The following WDSUB1 variants were observed in gnomAD, a reference collection of about 807,000 sequenced individuals.
The protein encoded by WDSUB1 is WD repeat, sterile alpha motif and U-box domain containing 1.
WDSUB1 carries 49 observed loss-of-function variants against 53.9 expected under a neutral mutation model. That is an observed-to-expected ratio of 0.91 (90% CI 0.72 to 1.15). The LOEUF is 1.15. Ranked by LOEUF, WDSUB1 falls within the 50% of genes most tolerant of loss-of-function variation. The pLI is 0.00. For missense variants in WDSUB1, 514 were observed against 562.0 expected, an observed-to-expected ratio of 0.91 and a Z score of 0.86; for synonymous variants, 194 against 200.6, an observed-to-expected ratio of 0.97 and a Z score of 0.28.
chr2:159,248,619 T>G, intron 9 of WDSUB1, 107 bp from the exon 10 acceptor site: 1 of 1,274,290 alleles, frequency 7.8e-7, no homozygotes, highest in Non-Finnish European at 1.0e-6. Context: ...GGGGTTGATT[T>G]TGAGACAGGG....
At chr2:159,246,468 C>CATATCCA (rs2060800285) in intron 10 of WDSUB1, among the ~76,000 whole-genome samples, 1 of 148,658 alleles carries the variant, frequency 6.7e-6, no homozygotes, top group South Asian at 2.1e-4. Flanking sequence ...GATACCACTT[C>CATATCCA]ATATCCACTA....
intron 9 of WDSUB1, among the ~76,000 whole-genome samples, chr2:159,253,901 AG>A (rs1183358650): frequency 2.6e-5 from 4 of 152,228 alleles, no homozygotes; most frequent in African/African-American, 9.6e-5. Context: ...TTTATAATGA[AG>A]GTTGCAAAAA....
intron 6 of WDSUB1, among the ~76,000 whole-genome samples, 162 bp downstream of exon 6, chr2:159,259,648 A>G (rs1211002967): frequency 6.6e-6 from 1 of 152,246 alleles, no homozygotes; most frequent in Non-Finnish European, 1.5e-5. Flanking sequence ...TGCAGAACCA[A>G]TATCTTACTT....
chr2:159,258,383 G>T (rs930053911), intron 6 of WDSUB1, among the ~76,000 whole-genome samples: 1 of 152,226 alleles, frequency 6.6e-6, no homozygotes, highest in Non-Finnish European at 1.5e-5. Flanking sequence ...CCTTGGCCGG[G>T]TGCAGTGGCT....
At chr2:159,257,316 T>G (rs774683307) in intron 8 of WDSUB1, among the ~76,000 whole-genome samples, 3 of 151,850 alleles carry the variant, frequency 2.0e-5, no homozygotes, top group Non-Finnish European at 2.9e-5. Context: ...TATTTTTAAA[T>G]GACATTAAAT....
intron 2 of WDSUB1, among the ~76,000 whole-genome samples, chr2:159,281,275 G>C (rs1421711370): frequency 1.3e-5 from 2 of 152,024 alleles, no homozygotes; most frequent in African/African-American, 4.8e-5. Flanking sequence ...GGGTCACTCA[G>C]TCACTCAGGC....
chr2:159,247,886 A>T (rs866789809), intron 10 of WDSUB1, among the ~76,000 whole-genome samples: 709 of 63,630 alleles, frequency 0.011, 18 homozygotes, highest in African/African-American at 0.035. Flanking sequence ...AAATTAAATA[A>T]ATATATATAT....
intron 5 of WDSUB1, among the ~76,000 whole-genome samples, chr2:159,268,828 C>A (rs2061393775): frequency 6.6e-6 from 1 of 151,958 alleles, no homozygotes; most frequent in Non-Finnish European, 1.5e-5. Context: ...AACTGGAAAT[C>A]ATAAAAAGTG....
At chr2:159,283,156 T>C in intron 1 of WDSUB1, 63 bp from the exon 2 acceptor site, 3 of 1,408,840 alleles carry the variant, frequency 2.1e-6, no homozygotes, top group Non-Finnish European at 1.9e-6. Flanking sequence ...AATTTGAGTC[T>C]ATATAAAAGG....
intron 5 of WDSUB1, among the ~76,000 whole-genome samples, chr2:159,266,184 T>G (rs530093907): frequency 6.6e-6 from 1 of 152,244 alleles, no homozygotes; most frequent in East Asian, 1.9e-4. Context: ...TTTAAGAGTG[T>G]CAAGGAACCT....
At position 159,271,579 on chromosome 2, in the gene WDSUB1, T is replaced by C. The variant is rs2061444229; in HGVS notation, c.770+123A>G. Reference sequence around the variant, plus strand: ...AGGGCTTCTGGGGCAGAACCAGCAATGTTCTATTTCTTGACCTTTGTGGTG... The same window carrying C: ...AGGGCTTCTGGGGCAGAACCAGCAACGTTCTATTTCTTGACCTTTGTGGTG... On this transcript the variant is annotated intron_variant, in intron 5 of 10. Transcript: ENST00000359774. 4 of 801,142 alleles carry C rather than the reference T, an allele frequency of 5.0e-6. No homozygotes were observed. In the East Asian group the frequency reaches 1.1e-4, roughly 21 times the overall value. The allele number at this position is 801,142 out of a possible 1,614,324, so 49.6% of individuals were successfully genotyped here. A position where few individuals can be genotyped will look rare whatever the true frequency, so the allele number is the denominator to read the frequency against.
At chr2:159,266,929 A>G (rs944019362) in intron 5 of WDSUB1, among the ~76,000 whole-genome samples, 1 of 152,080 alleles carries the variant, frequency 6.6e-6, no homozygotes, top group African/African-American at 2.4e-5. Flanking sequence ...GCAAGCCACC[A>G]TGCTTGGGTA....
intron 2 of WDSUB1, among the ~76,000 whole-genome samples, chr2:159,280,797 CAGGG>C (rs1382136139): frequency 6.7e-6 from 1 of 150,090 alleles, no homozygotes; most frequent in African/African-American, 2.5e-5. Flanking sequence ...GTTAGGAAGA[CAGGG>C]AGGCACGGTG....
chr2:159,266,186 A>C (rs758969742), intron 5 of WDSUB1, among the ~76,000 whole-genome samples: 17 of 152,110 alleles, frequency 1.1e-4, no homozygotes, highest in Non-Finnish European at 2.2e-4. Flanking sequence ...TAAGAGTGTC[A>C]AGGAACCTTA....
intron 1 of WDSUB1, among the ~76,000 whole-genome samples, chr2:159,285,274 C>T (rs73004992): frequency 0.051 from 7,729 of 152,098 alleles, 365 homozygotes; most frequent in African/African-American, 0.11. Context: ...AATATATATA[C>T]ACACACAGAA....
At chr2:159,252,141 TTAA>T (rs756202862) in intron 9 of WDSUB1, among the ~76,000 whole-genome samples, 76,424 of 151,860 alleles carry the variant, frequency 0.5, 19,950 homozygotes, top group Non-Finnish European at 0.55. Flanking sequence ...TTTTTAAAAA[TTAA>T]AAATTAATTT....
chr2:159,259,381 A>T (rs1170799451), intron 6 of WDSUB1, among the ~76,000 whole-genome samples: 1 of 152,184 alleles, frequency 6.6e-6, no homozygotes, highest in Non-Finnish European at 1.5e-5. Flanking sequence ...TTCCAAGTCC[A>T]TGATAACCTA....
chr2:159,280,876 T>C (rs1292569172), intron 2 of WDSUB1, among the ~76,000 whole-genome samples: 1 of 152,114 alleles, frequency 6.6e-6, no homozygotes, highest in Non-Finnish European at 1.5e-5. Flanking sequence ...ATTAACACAC[T>C]GTCCCATCCA....
chr2:159,263,661 G>A (rs2061273909), intron 5 of WDSUB1, among the ~76,000 whole-genome samples: 1 of 152,182 alleles, frequency 6.6e-6, no homozygotes. Context: ...GCCTTTAGAG[G>A]AGGATGCTAT....
Sources: allele counts gnomAD v4.1 joint callset (sites outside exome capture counted in the v4.1 genomes callset), GRCh38; gene constraint gnomAD v4.1.1; transcripts MANE v1.5; gene names NCBI Gene and HGNC (gene_info 2026-07-23, HGNC 2026-07-21).